The following APP variants were observed in gnomAD, a reference collection of about 807,000 sequenced individuals.
APP encodes amyloid-beta precursor protein.
A neutral mutation model predicts 101.4 loss-of-function variants in APP; 31 were observed. That is an observed-to-expected ratio of 0.31 (90% CI 0.23 to 0.41). The LOEUF (loss-of-function observed/expected upper bound fraction) is 0.41. APP is among the 10% of genes least tolerant of loss of function. The pLI is 1.00. For missense variants in APP, 839 were observed against 1,003.7 expected (o/e 0.84, Z 2.22); for synonymous variants, 366 against 364.4 (o/e 1.00, Z -0.05).
chr21:26,152,759 A>C (rs1447447442), intron 1 of APP, among the ~76,000 whole-genome samples: 1 of 152,220 alleles, frequency 6.6e-6, no homozygotes, highest in Non-Finnish European at 1.5e-5. Flanking sequence ...TTAAAAGTAG[A>C]TCTACCATTT....
chr21:26,165,508 G>A (rs915364417), intron 1 of APP, among the ~76,000 whole-genome samples: 1 of 152,216 alleles, frequency 6.6e-6, no homozygotes, highest in African/African-American at 2.4e-5. Flanking sequence ...CTCCTGATTA[G>A]TGTGCAATGC....
intron 1 of APP, among the ~76,000 whole-genome samples, chr21:26,157,036 A>G (rs954259229): frequency 2.0e-4 from 31 of 152,178 alleles, no homozygotes; most frequent in Admixed American, 1.8e-3. Context: ...AACATTTTTT[A>G]AAGACATGCC....
At chr21:26,084,294 A>G (rs930132645) in intron 3 of APP, among the ~76,000 whole-genome samples, 24 of 131,624 alleles carry the variant, frequency 1.8e-4, no homozygotes, top group African/African-American at 7.0e-4. Context: ...GCTGGAGCGC[A>G]GTGGCGCGAT....
rs141746456 is a variant in APP, at chr21:26,106,637, C to T, written c.225+5342G>A. ...GACTACAGGTCTGAGCCACGGAGCTCGGCCAAAACCTAGTTCTTAAGAGAT... is the reference window on the plus strand; with the variant it reads ...GACTACAGGTCTGAGCCACGGAGCTTGGCCAAAACCTAGTTCTTAAGAGAT... On this transcript the variant is annotated intron_variant, in intron 2 of 17. Transcript: ENST00000346798. Among the ~76,000 whole-genome samples the T allele has an allele frequency of 6.3e-3, 960 of 152,278 alleles. 4 individuals carry two copies. The highest frequency in any genetic ancestry group is 0.01 in the Non-Finnish European group (708 of 68,030).
chr21:25,963,311 A>G (rs998019115), intron 11 of APP, among the ~76,000 whole-genome samples: 3 of 152,194 alleles, frequency 2.0e-5, no homozygotes, highest in African/African-American at 7.2e-5. Context: ...AAGTGTATTA[A>G]AATTATTAAG....
chr21:25,938,464 T>C (rs1358157147), intron 13 of APP, among the ~76,000 whole-genome samples: 1 of 152,100 alleles, frequency 6.6e-6, no homozygotes, highest in African/African-American at 2.4e-5. Context: ...TGTCATCCCA[T>C]GTTCAAGACA....
intron 3 of APP, among the ~76,000 whole-genome samples, chr21:26,059,131 T>A (rs1484514391): frequency 4.0e-5 from 6 of 151,370 alleles, no homozygotes; most frequent in Non-Finnish European, 7.4e-5. Context: ...AACAGACTGC[T>A]GAAGTTTTGA....
chr21:26,098,584 CA>C (rs1295921213), intron 2 of APP, among the ~76,000 whole-genome samples: 3 of 152,066 alleles, frequency 2.0e-5, no homozygotes, highest in Admixed American at 2.0e-4. Context: ...TGATTAATGC[CA>C]AAAGTCCTAA....
chr21:25,991,970 G>C (rs1266750232), intron 8 of APP, among the ~76,000 whole-genome samples: 3 of 152,196 alleles, frequency 2.0e-5, no homozygotes, highest in Non-Finnish European at 4.4e-5. Context: ...AATCTGAAAT[G>C]CTCCAAAATC....
intron 11 of APP, among the ~76,000 whole-genome samples, chr21:25,970,370 A>C (rs2041984651): frequency 6.6e-6 from 1 of 152,170 alleles, no homozygotes. Flanking sequence ...AGTCCCATCA[A>C]TGTCCATTTA....
intron 5 of APP, among the ~76,000 whole-genome samples, chr21:26,026,655 T>C (rs979811254): frequency 6.6e-5 from 10 of 152,324 alleles, no homozygotes; most frequent in African/African-American, 2.4e-4. Flanking sequence ...ATGGCAAAAT[T>C]ATAGACAGTA....
chr21:25,881,396 C>T lies in APP; in HGVS notation c.*274G>A, dbSNP rs200591716. The T allele has an allele frequency of 2.0e-6, 1 of 505,742 alleles. No individual in the cohort carries two copies. Among genetic ancestry groups the T allele is most frequent in the Non-Finnish European group, 3.6e-6 (1 of 278,740 alleles). 31.3% of individuals were successfully genotyped at this position (505,742 alleles called of 1,614,324 possible). On this transcript the variant is annotated 3_prime_UTR_variant, in exon 18 of 18. Transcript: ENST00000346798. Reference sequence around the variant, plus strand: ...AATCAGGAGAGAATCTATTCATGCACTAGTTTGATACAGCTAAATTCTTTA... The same window carrying T: ...AATCAGGAGAGAATCTATTCATGCATTAGTTTGATACAGCTAAATTCTTTA...
intron 14 of APP, among the ~76,000 whole-genome samples, chr21:25,907,074 G>A (rs1341461667): frequency 1.3e-5 from 2 of 152,076 alleles, no homozygotes; most frequent in Admixed American, 6.6e-5. Context: ...GTTCAAATGC[G>A]TATACTTATG....
intron 2 of APP, among the ~76,000 whole-genome samples, chr21:26,092,763 C>T (rs2061852606): frequency 6.6e-6 from 1 of 152,132 alleles, no homozygotes; most frequent in South Asian, 2.1e-4. Flanking sequence ...ATAGGAGAGG[C>T]TAAGCATGTG....
At chr21:25,916,175 T>A (rs150830393) in intron 13 of APP, among the ~76,000 whole-genome samples, 35 of 152,334 alleles carry the variant, frequency 2.3e-4, no homozygotes, top group African/African-American at 7.7e-4. Context: ...ATAGTTTTTA[T>A]GTTTTTAGTA....
intron 2 of APP, among the ~76,000 whole-genome samples, chr21:26,106,675 T>A (rs559139902): frequency 4.7e-4 from 72 of 152,306 alleles, no homozygotes; most frequent in Non-Finnish European, 8.5e-4. Context: ...CTGCAACTAG[T>A]GCTTAGGATG....
At chr21:25,979,234 T>G (rs1450223434) in intron 9 of APP, among the ~76,000 whole-genome samples, 1 of 152,116 alleles carries the variant, frequency 6.6e-6, no homozygotes, top group Non-Finnish European at 1.5e-5. Flanking sequence ...TAAGAAAACA[T>G]ATAACAAAAA....
chr21:26,092,454 G>A (rs370128214), intron 2 of APP, among the ~76,000 whole-genome samples: 1 of 152,188 alleles, frequency 6.6e-6, no homozygotes. Context: ...CCCACTATAT[G>A]ACATTCTGGA....
Position 26,152,284 on chromosome 21 carries a change from C to CAAAA in APP, c.57+18276_57+18279dup, listed in dbSNP as rs1161739630. Among the ~76,000 whole-genome samples, 26 of 36,166 alleles carry CAAAA rather than the reference C, an allele frequency of 7.2e-4. 3 individuals are homozygous for CAAAA. Among genetic ancestry groups the CAAAA allele is most frequent in the Middle Eastern group, 0.016 (1 of 64 alleles). 23.7% of individuals were successfully genotyped at this position (36,166 alleles called of 152,430 possible). A position where few individuals can be genotyped will look rare whatever the true frequency, so the allele number is the denominator to read the frequency against. ...TGGGCGACAGAGCAAGACTCCATCTCAAAAAAAAAAAAAAAAAAAAAAATG... is the reference window on the plus strand; with the variant it reads ...TGGGCGACAGAGCAAGACTCCATCTCAAAAAAAAAAAAAAAAAAAAAAAAAAATG... On this transcript the variant is annotated intron_variant, in intron 1 of 17. Coordinates refer to ENST00000346798, the MANE Select transcript of APP (RefSeq NM_000484.4).
Sources: gnomAD v4.1 joint callset for allele counts (sites outside exome capture counted in the v4.1 genomes callset) on GRCh38, gnomAD v4.1.1 for gene constraint, MANE v1.5 for transcripts, NCBI Gene and HGNC (gene_info 2026-07-23, HGNC 2026-07-21) for gene names.